The following PRDM2 variants were observed in gnomAD, a reference collection of about 807,000 sequenced individuals.
PRDM2 encodes PR/SET domain 2, also known as PR domain zinc finger protein 2.
A neutral mutation model predicts 130.0 loss-of-function variants in PRDM2; 30 were observed. The ratio of observed to expected loss-of-function variants is 0.23; its 90% CI spans 0.17 to 0.31. PRDM2 has a LOEUF of 0.31. Among genes scored for constraint, PRDM2 ranks in the 10% least tolerant of loss-of-function variants. The pLI, the probability that PRDM2 is intolerant of heterozygous loss-of-function variation, is 1.00. For missense variants in PRDM2, 2,011 were observed against 2,108.4 expected (o/e 0.95, Z 0.90); for synonymous variants, 871 against 782.4 (o/e 1.11, Z -1.89).
In PRDM2 at chr1:13,707,984, A is replaced by G. The variant is rs1465370474; in HGVS notation, c.-65-7557A>G. On this transcript the variant is annotated intron_variant, in intron 1 of 9. Transcript: ENST00000311066. ...AAGCTTGAGATTTGTGATGTAATAA[A>G]TTACATGTTCAGTGGAATATGACTT... is the stretch of plus-strand genomic sequence containing the variant. Among the ~76,000 whole-genome samples, 4 of 152,268 alleles carry G rather than the reference A, an allele frequency of 2.6e-5. No individual in the cohort carries two copies. The South Asian group carries it at 8.3e-4, about 32-fold the overall frequency.
rs1433400008 is a variant in PRDM2, at chr1:13,782,064, GAAA to G, written c.4275_4277del (p.Lys1425del). The G allele has an allele frequency of 5.6e-6, 9 of 1,613,054 alleles. No individual in the cohort carries two copies. The highest frequency in any genetic ancestry group is 1.3e-5 in the African/African-American group (1 of 74,688). ...ATAAGCTCAAATTAAATGCATTGAA[GAAA>G]AAAAATCAGCTAGTACAGAAAGCAA... is the stretch of plus-strand genomic sequence containing the variant. On this transcript the variant is annotated inframe_deletion, in exon 8 of 10. Coordinates refer to ENST00000311066, the MANE Select transcript of PRDM2 (RefSeq NM_001393986.1).
In PRDM2 at chr1:13,780,801, A is replaced by C; in HGVS notation, c.3006A>C (p.Ala1002=). The C allele has an allele frequency of 2.0e-6, 3 of 1,533,784 alleles. No homozygotes were observed. The highest frequency in any genetic ancestry group is 2.6e-6 in the Non-Finnish European group (3 of 1,140,262). ...TVPLPAPSSS[A]SPHPCPSPLS... ...CTCTTCCAGCCCCCTCTTCCAGTGCATCTCCACACCCATGCCCCTCTCCAC... is the reference window on the plus strand; with the variant it reads ...CTCTTCCAGCCCCCTCTTCCAGTGCCTCTCCACACCCATGCCCCTCTCCAC... The change falls in exon 8 of 10, where the codon GCA becomes GCC. Residue 1002 remains alanine (A), a synonymous_variant. Coordinates refer to ENST00000311066, the MANE Select transcript of PRDM2 (RefSeq NM_001393986.1).
At chr1:13,759,662 A>G (rs531667625) in intron 6 of PRDM2, among the ~76,000 whole-genome samples, 1 of 152,266 alleles carries the variant, frequency 6.6e-6, no homozygotes, top group East Asian at 1.9e-4. Flanking sequence ...CTGGGTCCCA[A>G]GTCTTCTAAT....
chr1:13,813,326 T>C (rs762191696), intron 8 of PRDM2, among the ~76,000 whole-genome samples: 4 of 152,090 alleles, frequency 2.6e-5, no homozygotes, highest in Non-Finnish European at 4.4e-5. Context: ...TCCGGAGCCT[T>C]GGTCCTCGGT....
intron 6 of PRDM2, among the ~76,000 whole-genome samples, chr1:13,767,777 C>G (rs1408992765): frequency 6.6e-6 from 1 of 152,018 alleles, no homozygotes; most frequent in Non-Finnish European, 1.5e-5. Flanking sequence ...GAGTTCGAGA[C>G]CAGCCTGGAC....
At chr1:13,787,270 G>A (rs1644761383) in intron 8 of PRDM2, 1 of 982,428 alleles carries the variant, frequency 1.0e-6, no homozygotes, top group African/African-American at 1.7e-5. Flanking sequence ...GCGCATCCCA[G>A]GCCTGTACAG....
intron 2 of PRDM2, among the ~76,000 whole-genome samples, chr1:13,718,701 C>T (rs555998543): frequency 6.6e-6 from 1 of 152,248 alleles, no homozygotes; most frequent in African/African-American, 2.4e-5. Context: ...TCCGCTTGAG[C>T]CCATGCCTGG....
At position 13,732,815 on chromosome 1, in the gene PRDM2, A is replaced by T; in HGVS notation, c.164A>T (p.Lys55Ile). The change falls in exon 4 of 10, where the codon AAA becomes ATA. Residue 55 changes from lysine (K) to isoleucine (I), a missense_variant. This residue lies in a region of PRDM2 where 79 missense variants were observed against 93.6 expected (regional missense o/e 0.84). Transcript: ENST00000311066. ...ACTAAACCAATTTTAAAAGGCAAAA[A>T]ATTTGGGCCATTTGTTGGTGATAAG... is the stretch of plus-strand genomic sequence containing the variant. The part of the protein sequence containing the change: ...WATKPILKGK[K>I]FGPFVGDKKK... The T allele has an allele frequency of 6.2e-7, 1 of 1,609,602 alleles. No homozygotes were observed. Among genetic ancestry groups the T allele is most frequent in the Non-Finnish European group, 8.5e-7 (1 of 1,178,232 alleles).
chr1:13,726,977 T>G (rs1392058493), intron 2 of PRDM2, among the ~76,000 whole-genome samples: 1 of 152,130 alleles, frequency 6.6e-6, no homozygotes, highest in African/African-American at 2.4e-5. Flanking sequence ...TGATGACTTC[T>G]ATTCTGCTTA....
chr1:13,762,568 G>A (rs1381195085), intron 6 of PRDM2, among the ~76,000 whole-genome samples: 1 of 152,184 alleles, frequency 6.6e-6, no homozygotes, highest in Non-Finnish European at 1.5e-5. Context: ...CTAGTCCTCT[G>A]TGAGCCTTCC....
intron 1 of PRDM2, among the ~76,000 whole-genome samples, chr1:13,702,898 G>A (rs1303477469): frequency 2.6e-5 from 4 of 152,168 alleles, no homozygotes; most frequent in South Asian, 4.1e-4. Flanking sequence ...GGGGAAAATC[G>A]TCAAACTTGC....
intron 8 of PRDM2, among the ~76,000 whole-genome samples, chr1:13,800,870 T>C (rs1159111847): frequency 6.6e-6 from 1 of 152,112 alleles, no homozygotes; most frequent in East Asian, 1.9e-4. Flanking sequence ...CCAGGCACCA[T>C]GCAGGCAGAG....
chr1:13,753,006 C>T (rs1378583967), intron 6 of PRDM2, among the ~76,000 whole-genome samples: 1 of 152,202 alleles, frequency 6.6e-6, no homozygotes, highest in African/African-American at 2.4e-5. Flanking sequence ...TTCCCTGCTA[C>T]TTGCGGAGGA....
At chr1:13,735,855 GA>G (rs1323864306) in intron 4 of PRDM2, among the ~76,000 whole-genome samples, 1 of 152,020 alleles carries the variant, frequency 6.6e-6, no homozygotes, top group Non-Finnish European at 1.5e-5. Context: ...ATATATACAA[GA>G]ACATAAAAAT....
At chr1:13,754,048 T>C (rs1285577671) in intron 6 of PRDM2, among the ~76,000 whole-genome samples, 1 of 152,054 alleles carries the variant, frequency 6.6e-6, no homozygotes, top group African/African-American at 2.4e-5. Context: ...GGAGGAGGTA[T>C]GGCCTGACTG....
At chr1:13,794,849 C>T (rs1644897535) in intron 8 of PRDM2, among the ~76,000 whole-genome samples, 2 of 152,232 alleles carry the variant, frequency 1.3e-5, no homozygotes, top group South Asian at 4.1e-4. Flanking sequence ...CCTGCCTCTG[C>T]CCAGAGAGAA....
intron 8 of PRDM2, among the ~76,000 whole-genome samples, chr1:13,792,390 G>A (rs775414345): frequency 7.9e-5 from 12 of 152,100 alleles, no homozygotes; most frequent in South Asian, 2.1e-4. Context: ...TGAATTTGTC[G>A]TAGCATTTAA....
chr1:13,821,054 A>G (rs897924979), intron 9 of PRDM2, among the ~76,000 whole-genome samples: 3 of 151,418 alleles, frequency 2.0e-5, no homozygotes, highest in Non-Finnish European at 4.4e-5. Flanking sequence ...CAGACATTTC[A>G]GGGAATTGAA....
chr1:13,781,710 C>T lies in PRDM2; in HGVS notation c.3915C>T (p.Tyr1305=), dbSNP rs531721925. 1.4e-5 allele frequency: 22 copies of T among 1,614,176 alleles called. No homozygotes were observed. Among genetic ancestry groups the T allele is most frequent in the South Asian group, 1.3e-4 (12 of 91,088 alleles). The change falls in exon 8 of 10, where the codon TAC becomes TAT. Residue 1305 remains tyrosine, a synonymous_variant. Transcript: ENST00000311066. This position sits in a 1 kb window ranked among gnomAD's most constrained non-coding sequence, Gnocchi z 6.1. ...YPSFKPPPFQ[Y]HHRNPMGIGV... ...GCTTTAAACCACCTCCATTTCAGTA[C>T]CATCACCGTAACCCCATGGGGATTG...
Sources: allele counts gnomAD v4.1 joint callset (sites outside exome capture counted in the v4.1 genomes callset), GRCh38; gene constraint gnomAD v4.1.1; regional missense constraint gnomAD v4.1.1; non-coding constraint Gnocchi (gnomAD v3.1); transcripts MANE v1.5; gene names NCBI Gene and HGNC (gene_info 2026-07-23, HGNC 2026-07-21).